SH3BGR: variants seen among roughly 807,000 people sequenced by gnomAD.
SH3BGR encodes the protein SH3 domain-binding glutamic acid-rich protein.
A neutral mutation model predicts 24.5 loss-of-function variants in SH3BGR; 29 were observed. The ratio of observed to expected loss-of-function variants is 1.18; its 90% CI spans 0.88 to 1.61. The LOEUF is 1.61. SH3BGR is among the 40% of genes most tolerant of loss of function. The probability of loss-of-function intolerance (pLI) is 0.00; values close to 1 mark genes in which losing one functional copy is unlikely to be tolerated. For missense variants in SH3BGR, 162 were observed against 205.8 expected (o/e 0.79, Z 1.30); for synonymous variants, 55 against 65.7 (o/e 0.84, Z 0.79).
chr21:39,463,174 G>A (rs1009315075), intron 2 of SH3BGR, among the ~76,000 whole-genome samples: 2 of 152,190 alleles, frequency 1.3e-5, no homozygotes, highest in African/African-American at 4.8e-5. Flanking sequence ...GTGAGCCACG[G>A]TGCCCAGCAA....
chr21:39,451,208 A>G (rs937673190), upstream of SH3BGR, among the ~76,000 whole-genome samples: 1 of 152,232 alleles, frequency 6.6e-6, no homozygotes, highest in Non-Finnish European at 1.5e-5. Flanking sequence ...CAAAATACCT[A>G]TGTAAACAAA....
intron 3 of SH3BGR, chr21:39,488,579 C>T (rs117545257): frequency 0.042 from 11,792 of 280,780 alleles, 367 homozygotes; most frequent in South Asian, 0.064. Context: ...ACTAGGGTGC[C>T]TAGTTTTAGG....
chr21:39,475,013 T>G (rs2078003788), intron 2 of SH3BGR, 122 bp from the exon 3 acceptor site: 1 of 610,012 alleles, frequency 1.6e-6, no homozygotes, highest in African/African-American at 1.9e-5. Context: ...TAAAGCAAAC[T>G]GGGATGACTT....
intron 2 of SH3BGR, among the ~76,000 whole-genome samples, chr21:39,465,013 T>C (rs894726599): frequency 6.6e-6 from 1 of 152,138 alleles, no homozygotes; most frequent in East Asian, 1.9e-4. Context: ...GAGAGAGTCT[T>C]GCTGTGTTGC....
At position 39,509,990 on chromosome 21, in the gene SH3BGR, C is replaced by T. The variant is rs1226425448; in HGVS notation, c.435+963C>T. On this transcript the variant is annotated intron_variant, in intron 5 of 6. Transcript: ENST00000333634. Reference sequence around the variant, plus strand: ...CGGAGTCCCGCTGTTTAGCCCAGGCCGGATTGCAGTGGCGCAATCTCGGCT... The same window carrying T: ...CGGAGTCCCGCTGTTTAGCCCAGGCTGGATTGCAGTGGCGCAATCTCGGCT... Among the ~76,000 whole-genome samples the T allele has an allele frequency of 8.6e-5, 11 of 127,294 alleles. 1 individual carries two copies. The highest frequency in any genetic ancestry group is 2.5e-4 in the African/African-American group (7 of 28,320). 83.5% of individuals were successfully genotyped at this position (127,294 alleles called of 152,430 possible). A position where few individuals can be genotyped will look rare whatever the true frequency, so the allele number is the denominator to read the frequency against.
chr21:39,512,405 G>C (rs1340343981), intron 6 of SH3BGR, among the ~76,000 whole-genome samples: 1 of 152,108 alleles, frequency 6.6e-6, no homozygotes, highest in Non-Finnish European at 1.5e-5. Context: ...AGTCCCTTTA[G>C]GTATCTTTGA....
chr21:39,485,558 A>G (rs936791509), intron 3 of SH3BGR, among the ~76,000 whole-genome samples: 1 of 152,130 alleles, frequency 6.6e-6, no homozygotes, highest in Non-Finnish European at 1.5e-5. Context: ...ATTTAATCCT[A>G]TGTAATTAAT....
At chr21:39,512,213 G>T (rs1172828221) in intron 6 of SH3BGR, among the ~76,000 whole-genome samples, 1 of 152,128 alleles carries the variant, frequency 6.6e-6, no homozygotes, top group Non-Finnish European at 1.5e-5. Context: ...TACAACTTTA[G>T]GGGGGTGACT....
At chr21:39,501,946 G>T (rs766119296) in intron 4 of SH3BGR, among the ~76,000 whole-genome samples, 4 of 152,222 alleles carry the variant, frequency 2.6e-5, no homozygotes, top group Non-Finnish European at 4.4e-5. Flanking sequence ...GCAGAGGTGG[G>T]CAGATCACTT....
At chr21:39,471,441 A>G (rs2077938781) in intron 2 of SH3BGR, among the ~76,000 whole-genome samples, 2 of 152,146 alleles carry the variant, frequency 1.3e-5, no homozygotes, top group Admixed American at 1.3e-4. Context: ...CAAAAAAAAA[A>G]TGTTTAGCAA....
intron 2 of SH3BGR, among the ~76,000 whole-genome samples, chr21:39,468,175 GT>G (rs1447144346): frequency 6.6e-6 from 1 of 152,242 alleles, no homozygotes; most frequent in Non-Finnish European, 1.5e-5. Flanking sequence ...ACTCAGGGCT[GT>G]AAGGAAACAC....
upstream of SH3BGR, among the ~76,000 whole-genome samples, chr21:39,450,963 C>A (rs1171521988): frequency 6.6e-6 from 1 of 152,008 alleles, no homozygotes; most frequent in Non-Finnish European, 1.5e-5. Flanking sequence ...CAGGCGCCTG[C>A]CAACATGCCT....
chr21:39,486,965 G>A (rs781062826), intron 3 of SH3BGR, among the ~76,000 whole-genome samples: 1 of 152,168 alleles, frequency 6.6e-6, no homozygotes, highest in Non-Finnish European at 1.5e-5. Flanking sequence ...TAATCTGCCT[G>A]CCTTGGCTTT....
intron 4 of SH3BGR, among the ~76,000 whole-genome samples, chr21:39,506,623 CA>C (rs1467857931): frequency 6.6e-6 from 1 of 152,152 alleles, no homozygotes; most frequent in African/African-American, 2.4e-5. Context: ...CTCCCATTTA[CA>C]AAACCATGAG....
chr21:39,510,133 G>A (rs1190331622), intron 5 of SH3BGR, among the ~76,000 whole-genome samples: 3 of 144,832 alleles, frequency 2.1e-5, no homozygotes, highest in East Asian at 2.0e-4. Context: ...TAGTAGAGAC[G>A]GGGTTTCACC....
At chr21:39,488,795 A>G in intron 3 of SH3BGR, 1 of 297,730 alleles carries the variant, frequency 3.4e-6, no homozygotes. Flanking sequence ...GGTGCTGAGT[A>G]GCTGGGCACA....
chr21:39,509,471 GTTTTTTTTTTT>G (rs560071613), intron 5 of SH3BGR, among the ~76,000 whole-genome samples: 1 of 103,962 alleles, frequency 9.6e-6, no homozygotes, highest in African/African-American at 3.7e-5. Flanking sequence ...CACTTTTATT[GTTTTTTTTTTT>G]TTTTTTTTTT....
At chr21:39,490,582 G>A (rs11911099) in intron 3 of SH3BGR, among the ~76,000 whole-genome samples, 4 of 151,864 alleles carry the variant, frequency 2.6e-5, no homozygotes, top group African/African-American at 4.8e-5. Context: ...TTCTGGTAAC[G>A]CCCTTTGTCT....
intron 2 of SH3BGR, among the ~76,000 whole-genome samples, chr21:39,462,871 G>T (rs773737581): frequency 2.1e-4 from 32 of 152,216 alleles, no homozygotes; most frequent in Non-Finnish European, 1.3e-4. Flanking sequence ...GTTCAGCCTT[G>T]CAGTGTGCAC....
Sources: gnomAD v4.1 joint callset for allele counts (sites outside exome capture counted in the v4.1 genomes callset) on GRCh38, gnomAD v4.1.1 for gene constraint, MANE v1.5 for transcripts, NCBI Gene and HGNC (gene_info 2026-07-23, HGNC 2026-07-21) for gene names.